ITK: variants seen among roughly 807,000 people sequenced by gnomAD.
ITK encodes the protein IL2 inducible T cell kinase.
Under a neutral mutation model 87.6 loss-of-function variants are expected in ITK, and 45 were observed. The observed-to-expected ratio is 0.51, with a 90% CI of 0.40 to 0.66. ITK has a LOEUF of 0.66. ITK is among the 30% of genes least tolerant of loss of function. The probability of loss-of-function intolerance (pLI) is 0.00; values close to 1 mark genes in which losing one functional copy is unlikely to be tolerated. For synonymous variants in ITK, 303 were observed against 273.6 expected (o/e 1.11, Z -1.06); for missense variants, 605 against 766.3 (o/e 0.79, Z 2.48).
chr5:157,241,695 C>A lies in ITK; in HGVS notation c.1035C>A (p.Ala345=). The part of the protein sequence containing the change: ...RYPVCFGRQK[A]PVTAGLRYGK... ...CAGTTTGTTTTGGGAGGCAGAAAGC[C>A]CCAGTTACAGCAGGGCTGAGATACG... is the stretch of plus-strand genomic sequence containing the variant. Residue 345 remains alanine (A), a synonymous_variant, in exon 11 of 17, where the codon GCC becomes GCA. Coordinates refer to ENST00000422843, the MANE Select transcript of ITK (RefSeq NM_005546.4). 1 of 1,613,728 alleles carries A rather than the reference C, an allele frequency of 6.2e-7. No individual in the cohort carries two copies. The highest frequency in any genetic ancestry group is 8.5e-7 in the Non-Finnish European group (1 of 1,179,788).
At chr5:157,196,542 C>A (rs1276630493) in intron 1 of ITK, among the ~76,000 whole-genome samples, 1 of 152,126 alleles carries the variant, frequency 6.6e-6, no homozygotes. Context: ...TTTGGGCAGA[C>A]TAGTTTTAAC....
intron 5 of ITK, among the ~76,000 whole-genome samples, chr5:157,221,666 T>A (rs1454820596): frequency 2.0e-5 from 3 of 152,180 alleles, no homozygotes; most frequent in Admixed American, 6.5e-5. Context: ...CTGACCTTTC[T>A]CTTCACAGCT....
chr5:157,238,965 T>A (rs1580904622), intron 9 of ITK, among the ~76,000 whole-genome samples: 1 of 152,066 alleles, frequency 6.6e-6, no homozygotes, highest in Non-Finnish European at 1.5e-5. Context: ...TTTGGAAGAC[T>A]GAGGATGTGA....
intron 1 of ITK, among the ~76,000 whole-genome samples, chr5:157,194,353 G>A (rs1473467919): frequency 2.0e-5 from 3 of 152,086 alleles, no homozygotes; most frequent in African/African-American, 7.2e-5. Context: ...TTCCTGGGGT[G>A]GCCTCTGACA....
intron 16 of ITK, among the ~76,000 whole-genome samples, chr5:157,249,681 A>G (rs1755102553): frequency 6.6e-6 from 1 of 152,242 alleles, no homozygotes; most frequent in Non-Finnish European, 1.5e-5. Context: ...ATTTTGTCTC[A>G]GCTTTACCAT....
intron 5 of ITK, 109 bp from the exon 6 acceptor site, chr5:157,222,754 G>A (rs539469909): frequency 4.4e-4 from 468 of 1,052,288 alleles, no homozygotes; most frequent in Non-Finnish European, 6.3e-4. Context: ...AACTCATAAA[G>A]AAAGTCTACC....
rs931439599 is a variant in ITK at position 157,235,648 on chromosome 5, A to G, written c.769-2461A>G. Among the ~76,000 whole-genome samples, 4 of 152,160 alleles carry G rather than the reference A, an allele frequency of 2.6e-5. No individual in the cohort carries two copies. In the South Asian group the frequency reaches 8.3e-4, roughly 32 times the overall value. ...ATTGAAGACTCAATGTTGACTTAAT[A>G]ATTGGTTTGTTTCAAGAGAAGAAAA... On this transcript the variant is annotated intron_variant, in intron 8 of 16. Coordinates refer to ENST00000422843, the MANE Select transcript of ITK (RefSeq NM_005546.4).
Position 157,238,153 on chromosome 5 carries a change from A to G in ITK, c.813A>G (p.Gly271=), listed in dbSNP as rs1419656874. The G allele has an allele frequency of 6.2e-7, 1 of 1,613,906 alleles. No individual in the cohort carries two copies. The highest frequency in any genetic ancestry group is 1.3e-5 in the African/African-American group (1 of 74,926). ...AFMVRDSRTA[G]TYTVSVFTKA... is the part of the protein sequence containing the mutation. ...TGGTAAGGGATTCCAGGACTGCAGG[A>G]ACATACACCGTGTCTGTTTTCACCA... The change falls in exon 9 of 17, where the codon GGA becomes GGG. Residue 271 remains glycine, a synonymous_variant. Coordinates refer to ENST00000422843, the MANE Select transcript of ITK (RefSeq NM_005546.4).
intron 1 of ITK, among the ~76,000 whole-genome samples, chr5:157,198,147 A>C (rs1753887876): frequency 6.6e-6 from 1 of 150,408 alleles, no homozygotes; most frequent in African/African-American, 2.4e-5. Flanking sequence ...GGAAAGAAAG[A>C]AAGCTCTCTT....
intron 1 of ITK, among the ~76,000 whole-genome samples, chr5:157,205,411 T>C (rs1754059271): frequency 6.6e-6 from 1 of 152,070 alleles, no homozygotes; most frequent in South Asian, 2.1e-4. Context: ...ATCCCAAATA[T>C]TGAAATACAA....
At position 157,244,378 on chromosome 5, in the gene ITK, A is replaced by T. The variant is rs1390044627; in HGVS notation, c.1349A>T (p.Gln450Leu). 1 of 1,614,080 alleles carries T rather than the reference A, an allele frequency of 6.2e-7. No homozygotes were observed. Among genetic ancestry groups the T allele is most frequent in the East Asian group, 2.2e-5 (1 of 44,866 alleles). Residue 450 changes from glutamine (Q) to leucine (L), a missense_variant, in exon 13 of 17, where the codon CAG becomes CTG. Physicochemically the swap from Gln to Leu is moderately radical, Grantham distance 113. This residue lies in a region of ITK where 464 missense variants were observed against 578.0 expected (regional missense o/e 0.80). Transcript: ENST00000422843. ...TGCCTGTCAGATTATCTACGCACCC[A>T]GCGGGGACTTTTTGCTGCAGAGACC... The part of the protein sequence containing the change: ...HGCLSDYLRT[Q>L]RGLFAAETLL...
intron 2 of ITK, among the ~76,000 whole-genome samples, chr5:157,210,285 C>G (rs755455637): frequency 2.6e-4 from 40 of 152,034 alleles, no homozygotes; most frequent in Non-Finnish European, 4.4e-5. Flanking sequence ...CTTGCACATC[C>G]CAGGGTACCA....
chr5:157,244,247 GT>G lies in ITK; in HGVS notation c.1233-14del. 6.2e-7 allele frequency: 1 copy of G among 1,611,174 alleles called. No individual in the cohort carries two copies. The highest frequency in any genetic ancestry group is 1.1e-5 in the South Asian group (1 of 91,012). On this transcript the variant is annotated splice_polypyrimidine_tract_variant and intron_variant, in intron 12 of 16. Transcript: ENST00000422843. ...CTGAGTTTAGGCCATCTCACCCCTT[GT>G]CTTTTTCCTCCAGGAAACTCTCTCA...
chr5:157,211,700 T>A (rs1754195128), intron 3 of ITK, among the ~76,000 whole-genome samples: 1 of 152,238 alleles, frequency 6.6e-6, no homozygotes, highest in South Asian at 2.1e-4. Flanking sequence ...TCTGGCCTTT[T>A]AAGAACAAAT....
At chr5:157,212,661 G>A (rs912043508) in intron 3 of ITK, among the ~76,000 whole-genome samples, 2 of 152,144 alleles carry the variant, frequency 1.3e-5, no homozygotes, top group South Asian at 4.1e-4. Context: ...ACTTCAGCCT[G>A]AGCAACATAG....
intron 11 of ITK, 32 bp from the exon 12 acceptor site, chr5:157,243,591 T>C: frequency 6.3e-7 from 1 of 1,599,698 alleles, no homozygotes; most frequent in South Asian, 1.1e-5. Flanking sequence ...TACTGCTTGC[T>C]GACCCCAGAG....
At chr5:157,194,922 A>C (rs967952288) in intron 1 of ITK, among the ~76,000 whole-genome samples, 2 of 152,222 alleles carry the variant, frequency 1.3e-5, no homozygotes, top group Non-Finnish European at 2.9e-5. Flanking sequence ...TTGGGATAAC[A>C]ACATGAATCA....
chr5:157,246,123 G>A lies in ITK; in HGVS notation c.1633+124G>A. 6.3e-6 allele frequency: 5 copies of A among 792,774 alleles called. No homozygotes were observed. The Admixed American group carries it at 7.0e-5, about 11-fold the overall frequency. The allele number at this position is 792,774 out of a possible 1,614,324, so 49.1% of individuals were successfully genotyped here. On this transcript the variant is annotated intron_variant, in intron 15 of 16. Coordinates refer to ENST00000422843, the MANE Select transcript of ITK (RefSeq NM_005546.4). ...ATCATATCATGAGGGTGTCCCACTG[G>A]AGGGTTGTGTAAGAAAGGCCCCGAA... is the stretch of plus-strand genomic sequence containing the variant.
At chr5:157,202,670 G>A (rs1230937867) in intron 1 of ITK, among the ~76,000 whole-genome samples, 1 of 152,076 alleles carries the variant, frequency 6.6e-6, no homozygotes, top group Non-Finnish European at 1.5e-5. Flanking sequence ...TGGGATTGCT[G>A]GGTCAAATGG....
Sources: allele counts gnomAD v4.1 joint callset (sites outside exome capture counted in the v4.1 genomes callset), GRCh38; gene constraint gnomAD v4.1.1; regional missense constraint gnomAD v4.1.1; transcripts MANE v1.5; gene names NCBI Gene and HGNC (gene_info 2026-07-23, HGNC 2026-07-21).